HDAC3: variants seen among roughly 807,000 people sequenced by gnomAD.
HDAC3 encodes the protein SMAP45.
Under a neutral mutation model 62.3 loss-of-function variants are expected in HDAC3, and 21 were observed. That is an observed-to-expected ratio of 0.34 (90% CI 0.24 to 0.49). The LOEUF (loss-of-function observed/expected upper bound fraction) is 0.49, where lower values mean the gene tolerates loss of function less well. Among genes scored for constraint, HDAC3 ranks in the 20% least tolerant of loss-of-function variants. HDAC3 has a pLI of 0.99. For synonymous variants in HDAC3, 198 were observed against 206.5 expected, an observed-to-expected ratio of 0.96 and a Z score of 0.35; for missense variants, 270 against 556.9, an observed-to-expected ratio of 0.48 and a Z score of 5.19.
intron 3 of HDAC3, among the ~76,000 whole-genome samples, chr5:141,634,170 C>T (rs2099905641): frequency 1.3e-5 from 2 of 152,126 alleles, no homozygotes; most frequent in African/African-American, 4.8e-5. Context: ...TGCCCATAGC[C>T]CTCTTAAGAT....
chr5:141,636,491 C>A, intron 2 of HDAC3, 57 bp downstream of exon 2: 1 of 1,509,464 alleles, frequency 6.6e-7, no homozygotes, highest in Non-Finnish European at 9.2e-7. Context: ...GCCCACCTAT[C>A]CCTACGGCCA....
chr5:141,627,109 C>T (rs2099904544), intron 10 of HDAC3, among the ~76,000 whole-genome samples: 1 of 152,190 alleles, frequency 6.6e-6, no homozygotes, highest in Admixed American at 6.5e-5. Context: ...TCTCGGACCT[C>T]ACCTCAACAG....
Position 141,629,520 on chromosome 5 carries a change from G to C in HDAC3, c.476+164C>G. The C allele has an allele frequency of 2.2e-6, 2 of 891,856 alleles. No homozygotes were observed. The highest frequency in any genetic ancestry group is 3.1e-5 in the South Asian group (2 of 65,196). 55.2% of individuals were successfully genotyped at this position (891,856 alleles called of 1,614,324 possible). A position where few individuals can be genotyped will look rare whatever the true frequency, so the allele number is the denominator to read the frequency against. ...TGCAGAGAAGGCTGAAATGTGAGCA[G>C]GCAGTAGGGAATCTGCAGCAGTGGA... On this transcript the variant is annotated intron_variant, in intron 6 of 14. Coordinates refer to ENST00000305264, the MANE Select transcript of HDAC3 (RefSeq NM_003883.4). The surrounding 1 kb of genome is among the most constrained non-coding windows in gnomAD (Gnocchi z 5.3).
Position 141,629,213 on chromosome 5 carries a change from C to T in HDAC3, c.570G>A (p.Val190=). 1.2e-6 allele frequency: 2 copies of T among 1,614,180 alleles called. No individual in the cohort carries two copies. Among genetic ancestry groups the T allele is most frequent in the Non-Finnish European group, 1.7e-6 (2 of 1,180,040 alleles). Residue 190 remains valine, a synonymous_variant, in exon 7 of 15, where the codon GTG becomes GTA. Coordinates refer to ENST00000305264, the MANE Select transcript of HDAC3 (RefSeq NM_003883.4). This position sits in a 1 kb window ranked among gnomAD's most constrained non-coding sequence, Gnocchi z 5.3. ...AGTAATTTCCGTATTTGTGGAAGGA[C>T]ACCGTCATGACCCGGTCAGTGAGGT... ...AFYLTDRVMT[V]SFHKYGNYFF... is the part of the protein sequence containing the mutation.
rs2099904498 is a variant in HDAC3, at chr5:141,626,796, A to ATG, written c.831-514_831-513insCA. On this transcript the variant is annotated intron_variant, in intron 10 of 14. Coordinates refer to ENST00000305264, the MANE Select transcript of HDAC3 (RefSeq NM_003883.4). The surrounding 1 kb of genome is among the most constrained non-coding windows in gnomAD (Gnocchi z 4.6). ...TGTGTGTGTGTGTGTATATATATAT[A>ATG]TATACACACACACACACACACACCT... Among the ~76,000 whole-genome samples, 2 of 140,078 alleles carry ATG rather than the reference A, an allele frequency of 1.4e-5. No individual in the cohort carries two copies. Among genetic ancestry groups the ATG allele is most frequent in the Non-Finnish European group, 3.1e-5 (2 of 64,162 alleles). 91.9% of individuals were successfully genotyped at this position (140,078 alleles called of 152,430 possible).
intron 14 of HDAC3, among the ~76,000 whole-genome samples, chr5:141,624,321 GC>G (rs1034919127): frequency 1.6e-5 from 2 of 122,378 alleles, no homozygotes; most frequent in Non-Finnish European, 3.2e-5. Context: ...GGACATTTGA[GC>G]CCAGGAGTTT....
At chr5:141,630,556 G>A (rs536692714) in intron 3 of HDAC3, among the ~76,000 whole-genome samples, 1 of 152,330 alleles carries the variant, frequency 6.6e-6, no homozygotes, top group South Asian at 2.1e-4. Context: ...GTGAAACAGT[G>A]ATGAGATAAC....
chr5:141,636,446 T>C (rs2099906022), intron 2 of HDAC3, 102 bp downstream of exon 2: 1 of 1,021,504 alleles, frequency 9.8e-7, no homozygotes, highest in South Asian at 1.3e-5. Context: ...TCCCCGATAC[T>C]CTAGGGGCGG....
Position 141,625,561 on chromosome 5 carries a change from T to A in HDAC3, c.1059+124A>T. ...TTAAACTGGACTGCCTCCTAGTCAA[T>A]AACAGTGACTGTGATGGCTTAGAAC... On this transcript the variant is annotated intron_variant, in intron 13 of 14. Coordinates refer to ENST00000305264, the MANE Select transcript of HDAC3 (RefSeq NM_003883.4). The surrounding 1 kb of genome is among the most constrained non-coding windows in gnomAD (Gnocchi z 4.0). 1 of 1,142,060 alleles carries A rather than the reference T, an allele frequency of 8.8e-7. No individual in the cohort carries two copies. 70.7% of individuals were successfully genotyped at this position (1,142,060 alleles called of 1,614,324 possible).
In HDAC3 at chr5:141,626,348, G is replaced by A. The variant is rs2099904415; in HGVS notation, c.831-65C>T. ...CAAAAGACAAGGTAAATACCTTTAG[G>A]TATTGCCTGAAAGGAGCACAAGAAA... On this transcript the variant is annotated intron_variant, in intron 10 of 14. Transcript: ENST00000305264. This position sits in a 1 kb window ranked among gnomAD's most constrained non-coding sequence, Gnocchi z 4.6. 3.3e-6 allele frequency: 4 copies of A among 1,215,204 alleles called. No individual in the cohort carries two copies. The highest frequency in any genetic ancestry group is 4.8e-6 in the Non-Finnish European group (4 of 825,398). 75.3% of individuals were successfully genotyped at this position (1,215,204 alleles called of 1,614,324 possible).
At position 141,621,483 on chromosome 5, in the gene HDAC3, G is replaced by A. The variant is rs767580884; in HGVS notation, c.1272C>T (p.Ser424=). ...YDGDHDNDKE[S]DVEI ...CAAGCCACTCTTAAATCTCCACATC[G>A]CTTTCCTTGTCATTGTCATGGTCTC... The change falls in exon 15 of 15, where the codon AGC becomes AGT. Residue 424 remains serine, a synonymous_variant. Transcript: ENST00000305264. The A allele has an allele frequency of 3.0e-5, 48 of 1,613,748 alleles. No homozygotes were observed. The highest frequency in any genetic ancestry group is 2.4e-4 in the South Asian group (22 of 91,084).
In HDAC3 at chr5:141,629,405, C is replaced by T. The variant is rs1350515851; in HGVS notation, c.477-99G>A. 6.6e-7 allele frequency: 1 copy of T among 1,520,368 alleles called. No individual in the cohort carries two copies. Among genetic ancestry groups the T allele is most frequent in the African/African-American group, 1.4e-5 (1 of 72,724 alleles). 94.2% of individuals were successfully genotyped at this position (1,520,368 alleles called of 1,614,324 possible). ...CGAATTGTGAAGAGTCTGCTTCTGCCCTGGTCACCTGAAACTTAATGTCAC... is the reference window on the plus strand; with the variant it reads ...CGAATTGTGAAGAGTCTGCTTCTGCTCTGGTCACCTGAAACTTAATGTCAC... On this transcript the variant is annotated intron_variant, in intron 6 of 14. Coordinates refer to ENST00000305264, the MANE Select transcript of HDAC3 (RefSeq NM_003883.4). The surrounding 1 kb of genome is among the most constrained non-coding windows in gnomAD (Gnocchi z 5.3).
rs2099904957 is a variant in HDAC3, at chr5:141,629,983, G to C, written c.363+61C>G. 37 of 1,612,696 alleles carry C rather than the reference G, an allele frequency of 2.3e-5. No homozygotes were observed. The South Asian group carries it at 3.8e-4, about 17-fold the overall frequency. On this transcript the variant is annotated intron_variant, in intron 4 of 14. Coordinates refer to ENST00000305264, the MANE Select transcript of HDAC3 (RefSeq NM_003883.4). The surrounding 1 kb of genome is among the most constrained non-coding windows in gnomAD (Gnocchi z 5.3). ...CCTCAAGCTGGGAGCCCAGGATCAGGGTTAAATCCCGAGTCCAGGGATCCA... is the reference window on the plus strand; with the variant it reads ...CCTCAAGCTGGGAGCCCAGGATCAGCGTTAAATCCCGAGTCCAGGGATCCA...
At chr5:141,636,701 G>C (rs2099906071) in intron 1 of HDAC3, 35 bp downstream of exon 1, 1 of 1,613,288 alleles carries the variant, frequency 6.2e-7, no homozygotes, top group Non-Finnish European at 8.5e-7. Context: ...AAACCTCCGT[G>C]TCCCAACCCC....
In HDAC3 at chr5:141,629,534, T is replaced by A. The variant is rs2099904905; in HGVS notation, c.476+150A>T. The A allele has an allele frequency of 1.5e-5, 14 of 911,016 alleles. No individual in the cohort carries two copies. In the East Asian group the frequency reaches 3.4e-4, roughly 22 times the overall value. 56.4% of individuals were successfully genotyped at this position (911,016 alleles called of 1,614,324 possible). On this transcript the variant is annotated intron_variant, in intron 6 of 14. Transcript: ENST00000305264. This position sits in a 1 kb window ranked among gnomAD's most constrained non-coding sequence, Gnocchi z 5.3. Reference sequence around the variant, plus strand: ...AAATGTGAGCAGGCAGTAGGGAATCTGCAGCAGTGGAAGAGGCAGCCTGAA... The same window carrying A: ...AAATGTGAGCAGGCAGTAGGGAATCAGCAGCAGTGGAAGAGGCAGCCTGAA...
chr5:141,632,395 T>C (rs554607351), intron 3 of HDAC3, among the ~76,000 whole-genome samples: 1 of 152,202 alleles, frequency 6.6e-6, no homozygotes, highest in Non-Finnish European at 1.5e-5. Context: ...TAGAATACTT[T>C]GAAACCAATC....
chr5:141,627,214 A>G (rs2099904557), intron 10 of HDAC3, among the ~76,000 whole-genome samples: 1 of 152,154 alleles, frequency 6.6e-6, no homozygotes, highest in African/African-American at 2.4e-5. Flanking sequence ...AGCTAGGACT[A>G]TAGGCATGCA....
In HDAC3 at chr5:141,629,180, A is replaced by G. The variant is rs1562368750; in HGVS notation, c.603T>C (p.Pro201=). The change falls in exon 7 of 15, where the codon CCT becomes CCC. Residue 201 remains proline, a synonymous_variant. Coordinates refer to ENST00000305264, the MANE Select transcript of HDAC3 (RefSeq NM_003883.4). This position sits in a 1 kb window ranked among gnomAD's most constrained non-coding sequence, Gnocchi z 5.3. ...SFHKYGNYFF[P]GTGDMYEVGA... Reference sequence around the variant, plus strand: ...TAATCCCTATTCCCATACCTGTGCCAGGGAAGAAGTAATTTCCGTATTTGT... The same window carrying G: ...TAATCCCTATTCCCATACCTGTGCCGGGGAAGAAGTAATTTCCGTATTTGT... 16 of 1,614,194 alleles carry G rather than the reference A, an allele frequency of 9.9e-6. No individual in the cohort carries two copies. The highest frequency in any genetic ancestry group is 1.3e-5 in the Non-Finnish European group (15 of 1,180,018).
intron 3 of HDAC3, among the ~76,000 whole-genome samples, chr5:141,632,318 C>A (rs1212571324): frequency 6.6e-6 from 1 of 152,188 alleles, no homozygotes; most frequent in African/African-American, 2.4e-5. Flanking sequence ...AGCCACTGCG[C>A]CCGGCTTGGG....
Sources: gnomAD v4.1 joint callset for allele counts (sites outside exome capture counted in the v4.1 genomes callset) on GRCh38, gnomAD v4.1.1 for gene constraint, Gnocchi (gnomAD v3.1) non-coding constraint, MANE v1.5 for transcripts, NCBI Gene and HGNC (gene_info 2026-07-23, HGNC 2026-07-21) for gene names.